OLFM1: variants seen among roughly 807,000 people sequenced by gnomAD.
OLFM1 encodes olfactomedin 1.
In OLFM1, 9 loss-of-function variants were observed where a neutral mutation model predicts 49.7. The ratio of observed to expected loss-of-function variants is 0.18; its 90% CI spans 0.11 to 0.32. OLFM1 has a LOEUF of 0.32. Among genes scored for constraint, OLFM1 ranks in the 10% least tolerant of loss-of-function variants. The pLI is 1.00. For synonymous variants in OLFM1, 240 were observed against 271.8 expected (o/e 0.88, Z 1.15); for missense variants, 369 against 661.8 (o/e 0.56, Z 4.85).
upstream of OLFM1, among the ~76,000 whole-genome samples, chr9:135,083,539 A>T (rs7022098): frequency 1.1e-4 from 16 of 152,046 alleles, no homozygotes; most frequent in African/African-American, 2.7e-4. Flanking sequence ...CCCCAGGGCA[A>T]GTAGCTCCCC....
At chr9:135,108,070 T>C (rs1830970666) in intron 5 of OLFM1, among the ~76,000 whole-genome samples, 1 of 152,308 alleles carries the variant, frequency 6.6e-6, no homozygotes, top group Admixed American at 6.5e-5. Flanking sequence ...CCCGCCCCCA[T>C]CTGGAAGGGC....
In OLFM1 at chr9:135,087,895, G is replaced by T. The variant is rs1271989210; in HGVS notation, c.-95G>T. 9.1e-6 allele frequency: 10 copies of T among 1,093,816 alleles called. No individual in the cohort carries two copies. The highest frequency in any genetic ancestry group is 1.0e-5 in the Non-Finnish European group (9 of 897,816). The allele number at this position is 1,093,816 out of a possible 1,614,324, so 67.8% of individuals were successfully genotyped here. On this transcript the variant is annotated 5_prime_UTR_variant, in exon 1 of 6. Transcript: ENST00000371793. ...AGGGGGCGCGGGGACACAGCCAGGCGCCCCTGCCCGCCGCGGTGCCCGCCG... is the reference window on the plus strand; with the variant it reads ...AGGGGGCGCGGGGACACAGCCAGGCTCCCCTGCCCGCCGCGGTGCCCGCCG...
Position 135,120,447 on chromosome 9 carries a change from CA to C in OLFM1, c.*272del. 2.0e-6 allele frequency: 1 copy of C among 506,466 alleles called. No individual in the cohort carries two copies. Among genetic ancestry groups the C allele is most frequent in the Non-Finnish European group, 3.5e-6 (1 of 283,452 alleles). 31.4% of individuals were successfully genotyped at this position (506,466 alleles called of 1,614,324 possible). On this transcript the variant is annotated 3_prime_UTR_variant, in exon 6 of 6. Transcript: ENST00000371793. ...CCTCCCCGCCCTGTCCCTCTCTGGT[CA>C]AACAACATACTAAAGAGGCGAGGCA...
chr9:135,099,814 G>A (rs1015954389), intron 4 of OLFM1, among the ~76,000 whole-genome samples: 23 of 152,206 alleles, frequency 1.5e-4, no homozygotes, highest in Non-Finnish European at 1.9e-4. Flanking sequence ...GTCCCAGGAG[G>A]GGGGTCTGGG....
At chr9:135,108,627 T>G (rs1333343380) in intron 5 of OLFM1, among the ~76,000 whole-genome samples, 1 of 150,804 alleles carries the variant, frequency 6.6e-6, no homozygotes, top group Non-Finnish European at 1.5e-5. Context: ...AGCGAGGCTC[T>G]GTCTCAAAAA....
At chr9:135,118,830 GCCGGGTCTTTGGAGTGCTCA>G (rs772604717) in intron 5 of OLFM1, among the ~76,000 whole-genome samples, 19,563 of 112,884 alleles carry the variant, frequency 0.17, 1,526 homozygotes, top group African/African-American at 0.25. Context: ...TGGAGTGCTC[GCCGGGTCTTTGGAGTGCTCA>G]CCGGGTCTTT....
Position 135,087,849 on chromosome 9 carries a change from CG to C in OLFM1, c.-138del. The C allele has an allele frequency of 2.1e-6, 2 of 942,010 alleles. No homozygotes were observed. Among genetic ancestry groups the C allele is most frequent in the Non-Finnish European group, 1.3e-6 (1 of 793,884 alleles). 58.4% of individuals were successfully genotyped at this position (942,010 alleles called of 1,614,324 possible). A position where few individuals can be genotyped will look rare whatever the true frequency, so the allele number is the denominator to read the frequency against. ...GGGGCGCGCGGGGCGGCGGCGGCGG[CG>C]GGCGGGCGGCGGCGGGCCGAGGGGG... On this transcript the variant is annotated 5_prime_UTR_variant, in exon 1 of 6. It removes the in-frame stop codon of an upstream open reading frame in the 5' UTR. Coordinates refer to ENST00000371793, the MANE Select transcript of OLFM1 (RefSeq NM_001282611.2).
chr9:135,090,984 T>C (rs1830677868), intron 2 of OLFM1, among the ~76,000 whole-genome samples: 1 of 152,254 alleles, frequency 6.6e-6, no homozygotes, highest in Admixed American at 6.5e-5. Context: ...ATCCGTTATT[T>C]CACTTAATCT....
At position 135,106,745 on chromosome 9, in the gene OLFM1, C is replaced by T; in HGVS notation, c.677-4C>T. On this transcript the variant is annotated splice_polypyrimidine_tract_variant and splice_region_variant and intron_variant, in intron 4 of 5. Transcript: ENST00000371793. ...CCTCTCCTGACCTGCGTGCTCTTTT[C>T]CAGCTTGCGGGAAGTTGACGGGCAT... 1 of 1,612,982 alleles carries T rather than the reference C, an allele frequency of 6.2e-7. No individual in the cohort carries two copies. Among genetic ancestry groups the T allele is most frequent in the South Asian group, 1.1e-5 (1 of 90,924 alleles).
intron 3 of OLFM1, among the ~76,000 whole-genome samples, chr9:135,096,931 G>T (rs1389327105): frequency 6.6e-6 from 1 of 152,212 alleles, no homozygotes; most frequent in Non-Finnish European, 1.5e-5. Flanking sequence ...ATACAGATGT[G>T]CAGCCAGGTA....
chr9:135,085,159 G>C (rs925611590), upstream of OLFM1, among the ~76,000 whole-genome samples: 7 of 152,194 alleles, frequency 4.6e-5, no homozygotes, highest in African/African-American at 1.7e-4. Flanking sequence ...GTTCTAACCT[G>C]TCATGACAGG....
Position 135,076,291 on chromosome 9 carries a change from G to A in OLFM1, c.96+489G>A, listed in dbSNP as rs1588198278. 1.9e-6 allele frequency: 3 copies of A among 1,550,494 alleles called. No individual in the cohort carries two copies. In the East Asian group the frequency reaches 7.3e-5, roughly 38 times the overall value. On this transcript the variant is annotated intron_variant, in intron 1 of 5. Coordinates refer to the OLFM1 transcript ENST00000252854. The stretch of plus-strand genomic sequence containing the variant: ...TCCAGAAACAGGCGGTGGGGATTGT[G>A]CCGCTGAGACCTGGAAGGGCAGCCA...
At chr9:135,091,655 A>ACACACACTCACATAGT (rs1830698975) in intron 2 of OLFM1, among the ~76,000 whole-genome samples, 5 of 100,056 alleles carry the variant, frequency 5.0e-5, no homozygotes, top group South Asian at 3.4e-4. Context: ...TCACATAGTC[A>ACACACACTCACATAGT]CACACACACA....
intron 3 of OLFM1, chr9:135,097,877 T>C: frequency 6.3e-7 from 1 of 1,590,024 alleles, no homozygotes; most frequent in Non-Finnish European, 8.5e-7. Flanking sequence ...TTTTGCACCA[T>C]GCATTTTTAC....
chr9:135,117,770 G>A lies in OLFM1; in HGVS notation c.784-1734G>A, dbSNP rs750877565. ...GCAAGCAGAGGGCAGGATTAGGGGC[G>A]AATGGCTGCACGTATACGCCTGTGT... On this transcript the variant is annotated intron_variant, in intron 5 of 5. Coordinates refer to ENST00000371793, the MANE Select transcript of OLFM1 (RefSeq NM_001282611.2). The surrounding 1 kb of genome is among the most constrained non-coding windows in gnomAD (Gnocchi z 5.5). 2.0e-5 allele frequency among the ~76,000 whole-genome samples: 3 copies of A among 152,170 alleles called. No individual in the cohort carries two copies. Among genetic ancestry groups the A allele is most frequent in the Admixed American group, 1.3e-4 (2 of 15,280 alleles).
chr9:135,103,951 A>G (rs1360950118), intron 4 of OLFM1, among the ~76,000 whole-genome samples: 2 of 152,186 alleles, frequency 1.3e-5, no homozygotes, highest in African/African-American at 4.8e-5. Flanking sequence ...TGAGACAGAG[A>G]GTGAAGCCTT....
At chr9:135,099,415 C>A (rs1009952171) in intron 4 of OLFM1, among the ~76,000 whole-genome samples, 1 of 152,080 alleles carries the variant, frequency 6.6e-6, no homozygotes, top group Non-Finnish European at 1.5e-5. Context: ...TATTTCTACT[C>A]TCCCTTCCAC....
chr9:135,110,820 G>A (rs559884091), intron 5 of OLFM1, among the ~76,000 whole-genome samples: 2 of 152,328 alleles, frequency 1.3e-5, no homozygotes, highest in South Asian at 2.1e-4. Flanking sequence ...CAGCGGCCCA[G>A]GCTCCTTGAT....
upstream of OLFM1, chr9:135,086,740 C>T (rs1830602303): frequency 2.2e-6 from 1 of 455,340 alleles, no homozygotes; most frequent in Non-Finnish European, 4.4e-6. Context: ...CTGCTGCGGT[C>T]GCCGCAGAGG....
Sources: gnomAD v4.1 joint callset for allele counts (sites outside exome capture counted in the v4.1 genomes callset) on GRCh38, gnomAD v4.1.1 for gene constraint, Gnocchi (gnomAD v3.1) non-coding constraint, MANE v1.5 for transcripts, NCBI Gene and HGNC (gene_info 2026-07-23, HGNC 2026-07-21) for gene names.